The following KIAA0586 variants were observed in gnomAD, a reference collection of about 807,000 sequenced individuals.
KIAA0586 encodes the protein KIAA0586, also known as protein TALPID3.
A neutral mutation model predicts 169.8 loss-of-function variants in KIAA0586; 144 were observed. The observed-to-expected ratio is 0.85, with a 90% confidence interval of 0.74 to 0.97. KIAA0586 has a LOEUF of 0.97. Ranked by LOEUF, KIAA0586 falls within the 50% of genes least tolerant of loss-of-function variation. The probability of loss-of-function intolerance (pLI) is 0.00; values close to 1 mark genes in which losing one functional copy is unlikely to be tolerated. For synonymous variants in KIAA0586, 625 were observed against 612.4 expected (o/e 1.02, Z -0.30); for missense variants, 1,854 against 1,823.0 (o/e 1.02, Z -0.31).
intron 1 of KIAA0586, among the ~76,000 whole-genome samples, chr14:58,428,683 T>G (rs74531968): frequency 6.7e-6 from 1 of 150,304 alleles, no homozygotes; most frequent in African/African-American, 2.5e-5. Flanking sequence ...TTTTTTTTTT[T>G]GCATTGACTT....
chr14:58,542,754 CA>C (rs1457534636), intron 30 of KIAA0586, among the ~76,000 whole-genome samples: 1 of 152,136 alleles, frequency 6.6e-6, no homozygotes, highest in Non-Finnish European at 1.5e-5. Context: ...TTTCCAATTA[CA>C]TAAAAGTAAG....
chr14:58,546,760 G>T (rs939741904), intron 30 of KIAA0586, among the ~76,000 whole-genome samples: 1 of 152,116 alleles, frequency 6.6e-6, no homozygotes, highest in Admixed American at 6.6e-5. Context: ...ATCCCAAACT[G>T]CCTGCCCTCT....
downstream of KIAA0586, among the ~76,000 whole-genome samples, chr14:58,553,536 GTT>G (rs111508643): frequency 6.9e-6 from 1 of 144,412 alleles, no homozygotes; most frequent in Non-Finnish European, 1.5e-5. Context: ...AAATATCTGG[GTT>G]TTTTTTTTTT....
chr14:58,450,172 A>G (rs1161334358), intron 7 of KIAA0586, among the ~76,000 whole-genome samples: 7 of 152,318 alleles, frequency 4.6e-5, no homozygotes, highest in African/African-American at 1.7e-4. Context: ...TAAACATCAT[A>G]TTTAAAGCAC....
In KIAA0586 at chr14:58,453,434, C is replaced by G; in HGVS notation, c.1214C>G (p.Thr405Ser). 4 of 1,523,272 alleles carry G rather than the reference C, an allele frequency of 2.6e-6. No homozygotes were observed. The highest frequency in any genetic ancestry group is 3.5e-6 in the Non-Finnish European group (4 of 1,133,924). The allele number at this position is 1,523,272 out of a possible 1,614,324, so 94.4% of individuals were successfully genotyped here. A position where few individuals can be genotyped will look rare whatever the true frequency, so the allele number is the denominator to read the frequency against. Reference protein sequence around the residue: ...KSESSNTTSLTRSKIGWTPEK... With the variant: ...KSESSNTTSLSRSKIGWTPEK... ...GAATCATCAAACACCACCTCACTAACTAGGTCAAAAATAGGATGGACTCCT... is the reference window on the plus strand; with the variant it reads ...GAATCATCAAACACCACCTCACTAAGTAGGTCAAAAATAGGATGGACTCCT... The change falls in exon 9 of 31, where the codon ACT (threonine) becomes AGT (serine). Residue 405 changes from threonine to serine, a missense_variant. Coordinates refer to ENST00000652326, the MANE Select transcript of KIAA0586 (RefSeq NM_001329943.3).
At chr14:58,494,636 G>A (rs2043045720) in intron 26 of KIAA0586, among the ~76,000 whole-genome samples, 1 of 152,060 alleles carries the variant, frequency 6.6e-6, no homozygotes, top group South Asian at 2.1e-4. Flanking sequence ...TGTCCCTGCT[G>A]TTTGCTGTTA....
At chr14:58,559,087 A>G in the KIAA0586 span, among the ~76,000 whole-genome samples, 1 of 152,184 alleles carries the variant, frequency 6.6e-6, no homozygotes, top group Non-Finnish European at 1.5e-5. Context: ...AAGGACATGA[A>G]TCCTAAACTC....
intron 10 of KIAA0586, among the ~76,000 whole-genome samples, chr14:58,457,338 G>A (rs1242470070): frequency 2.4e-4 from 37 of 151,768 alleles, no homozygotes; most frequent in Admixed American, 2.2e-3. Flanking sequence ...GTGCAATCTC[G>A]GCTTACTGCA....
chr14:58,547,730 T>G, intron 30 of KIAA0586, 51 bp from the exon 31 acceptor site: 2 of 1,427,116 alleles, frequency 1.4e-6, no homozygotes, highest in Non-Finnish European at 1.9e-6. Flanking sequence ...ATAAAGCACG[T>G]AAATACTCAG....
intron 24 of KIAA0586, among the ~76,000 whole-genome samples, chr14:58,489,684 A>G (rs75155499): frequency 0.017 from 2,661 of 152,158 alleles, 75 homozygotes; most frequent in African/African-American, 0.06. Flanking sequence ...CAACTCTCTA[A>G]TTACCATCCT....
chr14:58,551,906 G>A (rs2047213599), downstream of KIAA0586, among the ~76,000 whole-genome samples: 1 of 152,060 alleles, frequency 6.6e-6, no homozygotes, highest in South Asian at 2.1e-4. Flanking sequence ...GTTACTAAGA[G>A]AAAACTCACT....
In KIAA0586 at chr14:58,444,169, T is replaced by C. The variant is rs544663626; in HGVS notation, c.801T>C (p.Asp267=). The C allele has an allele frequency of 6.3e-7, 1 of 1,591,644 alleles. No individual in the cohort carries two copies. Among genetic ancestry groups the C allele is most frequent in the African/African-American group, 1.3e-5 (1 of 74,618 alleles). ...AAAAGTTACAACAACAACAAATAGA[T>C]ATTCAGGTATCTGTAATAAATCCAG... ...HLEKLQQQQI[D]IQTHFISAAL... The change falls in exon 6 of 31, where the codon GAT becomes GAC. Residue 267 remains aspartate, a synonymous_variant. Transcript: ENST00000652326.
chr14:58,476,895 G>A (rs1268942682), intron 19 of KIAA0586, among the ~76,000 whole-genome samples: 1 of 152,122 alleles, frequency 6.6e-6, no homozygotes, highest in Non-Finnish European at 1.5e-5. Context: ...CTGAGCTCAA[G>A]CAATCTGCCC....
chr14:58,462,397 G>A (rs1028890131), intron 14 of KIAA0586, among the ~76,000 whole-genome samples: 1 of 151,824 alleles, frequency 6.6e-6, no homozygotes, highest in African/African-American at 2.4e-5. Flanking sequence ...ACAGGCATGC[G>A]CCACAATGCC....
intron 25 of KIAA0586, among the ~76,000 whole-genome samples, chr14:58,491,334 A>G (rs2042822353): frequency 1.3e-5 from 2 of 152,242 alleles, no homozygotes; most frequent in Non-Finnish European, 2.9e-5. Flanking sequence ...TAATAAAGTC[A>G]AATACAATAG....
At chr14:58,519,697 A>G (rs1484338639) in intron 29 of KIAA0586, among the ~76,000 whole-genome samples, 1 of 152,110 alleles carries the variant, frequency 6.6e-6, no homozygotes, top group African/African-American at 2.4e-5. Flanking sequence ...TAGTGTTGTG[A>G]TTTGTTTTTA....
In KIAA0586 at chr14:58,477,155, C is replaced by G; in HGVS notation, c.2858C>G (p.Ser953Cys). The G allele has an allele frequency of 6.3e-7, 1 of 1,577,728 alleles. No individual in the cohort carries two copies. Among genetic ancestry groups the G allele is most frequent in the Non-Finnish European group, 8.6e-7 (1 of 1,159,126 alleles). The change falls in exon 20 of 31, where the codon TCT (serine) becomes TGT (cysteine). Residue 953 changes from serine (S) to cysteine (C), a missense_variant. Ser to Cys is a moderately radical substitution (Grantham distance 112). Coordinates refer to ENST00000652326, the MANE Select transcript of KIAA0586 (RefSeq NM_001329943.3). The part of the protein sequence containing the change: ...VEQEIMSRII[S>C]GLFPVQQQIA... ...CAAGAAATAATGTCAAGAATTATCT[C>G]TGGGCTCTTTCCAGTCCAGCAACAG...
At chr14:58,558,417 G>T in the KIAA0586 span, among the ~76,000 whole-genome samples, 1 of 152,054 alleles carries the variant, frequency 6.6e-6, no homozygotes, top group Admixed American at 6.6e-5. Context: ...TCCCTTTTCT[G>T]CCAATTTCAT....
At chr14:58,458,426 A>G (rs926102468) in intron 11 of KIAA0586, 47 bp from the exon 12 acceptor site, 2 of 1,010,224 alleles carry the variant, frequency 2.0e-6, no homozygotes, top group African/African-American at 3.2e-5. Flanking sequence ...AGTCCTGCTC[A>G]GGACAGTAAG....
Sources: allele counts gnomAD v4.1 joint callset (sites outside exome capture counted in the v4.1 genomes callset), GRCh38; gene constraint gnomAD v4.1.1; transcripts MANE v1.5; gene names NCBI Gene and HGNC (gene_info 2026-07-23, HGNC 2026-07-21).